GNG7: variants seen among roughly 807,000 people sequenced by gnomAD.
GNG7 encodes the protein G protein subunit gamma 7.
GNG7 carries 1 observed loss-of-function variant against 4.0 expected under a neutral mutation model. The ratio of observed to expected loss-of-function variants is 0.25; its 90% CI spans 0.09 to 1.18. GNG7 has a LOEUF of 1.18. Ranked by LOEUF, GNG7 falls within the 50% of genes most tolerant of loss-of-function variation. The pLI is 0.50. For missense variants in GNG7, 86 were observed against 91.9 expected (o/e 0.94, Z 0.26); for synonymous variants, 34 against 36.9 (o/e 0.92, Z 0.29).
At chr19:2,561,126 G>A (rs1033771962) in intron 2 of GNG7, among the ~76,000 whole-genome samples, 1 of 152,058 alleles carries the variant, frequency 6.6e-6, no homozygotes, top group East Asian at 1.9e-4. Flanking sequence ...ATTGCAATGT[G>A]TGCAGCCTCC....
At chr19:2,608,468 C>G (rs1278117759) in intron 2 of GNG7, among the ~76,000 whole-genome samples, 1 of 152,198 alleles carries the variant, frequency 6.6e-6, no homozygotes, top group African/African-American at 2.4e-5. Flanking sequence ...CCCTGCACCC[C>G]CAAATGACGC....
At chr19:2,642,652 C>T in intron 2 of GNG7, 1 of 387,374 alleles carries the variant, frequency 2.6e-6, no homozygotes, top group Non-Finnish European at 5.1e-6. Context: ...AGGTGCGTGC[C>T]ACCATACCTG....
chr19:2,558,085 C>A (rs1299157692), intron 2 of GNG7, among the ~76,000 whole-genome samples: 11 of 152,048 alleles, frequency 7.2e-5, no homozygotes, highest in African/African-American at 2.7e-4. Context: ...TCGTGATCCG[C>A]CCACCTCGGC....
intron 3 of GNG7, among the ~76,000 whole-genome samples, chr19:2,543,854 A>AGGGGCGGCCGGCCT (rs1381432420): frequency 2.0e-5 from 3 of 151,912 alleles, no homozygotes; most frequent in Non-Finnish European, 2.9e-5. Flanking sequence ...TGAAGGCGGG[A>AGGGGCGGCCGGCCT]GGGGCGGCCG....
At chr19:2,610,989 CT>C (rs1981543066) in intron 2 of GNG7, 1 of 90,582 alleles carries the variant, frequency 1.1e-5, no homozygotes, top group Non-Finnish European at 2.3e-5. Context: ...GGGGAACGGG[CT>C]CACGTGCCAG....
In GNG7 at chr19:2,567,941, G is replaced by A. The variant is rs571352720; in HGVS notation, c.-77-12753C>T. Among the ~76,000 whole-genome samples the A allele has an allele frequency of 5.3e-5, 8 of 152,238 alleles. No individual in the cohort carries two copies. In the South Asian group the frequency reaches 1.7e-3, roughly 32 times the overall value. On this transcript the variant is annotated intron_variant, in intron 2 of 4. Coordinates refer to ENST00000382159, the MANE Select transcript of GNG7 (RefSeq NM_052847.3). ...GGCGTTGCCATTCAGCAGGAACTCA[G>A]GAAGTAGGGCGTTCACAACGCCTTC...
intron 3 of GNG7, among the ~76,000 whole-genome samples, chr19:2,525,272 C>T (rs1045109442): frequency 6.6e-6 from 1 of 152,168 alleles, no homozygotes; most frequent in Non-Finnish European, 1.5e-5. Flanking sequence ...ACACAGTCCC[C>T]ACGGCTCCCT....
chr19:2,641,141 A>T (rs1000985171), intron 2 of GNG7, among the ~76,000 whole-genome samples: 7 of 152,202 alleles, frequency 4.6e-5, no homozygotes, highest in African/African-American at 1.4e-4. Context: ...CAGCCCTGCG[A>T]TGGCCAGAGT....
intron 2 of GNG7, among the ~76,000 whole-genome samples, chr19:2,645,192 C>T (rs6510692): frequency 6.6e-6 from 1 of 151,418 alleles, no homozygotes; most frequent in Non-Finnish European, 1.5e-5. Flanking sequence ...CAAAGCAAAC[C>T]CTAACTCTTT....
At chr19:2,584,278 G>A (rs1401855795) in intron 2 of GNG7, among the ~76,000 whole-genome samples, 6 of 102,160 alleles carry the variant, frequency 5.9e-5, no homozygotes, top group South Asian at 2.8e-4. Flanking sequence ...CCCTATCTCC[G>A]CAAAGAATTA....
chr19:2,673,630 T>G (rs1339315059), intron 1 of GNG7, among the ~76,000 whole-genome samples: 3 of 148,856 alleles, frequency 2.0e-5, no homozygotes. Flanking sequence ...GAGGTGGAGG[T>G]TGCAGTGAGC....
At position 2,512,363 on chromosome 19, in the gene GNG7, A is replaced by G. The variant is rs1329102273; in HGVS notation, c.*2659T>C. The G allele has an allele frequency of 1.0e-6, 1 of 985,462 alleles. No individual in the cohort carries two copies. The highest frequency in any genetic ancestry group is 1.7e-5 in the African/African-American group (1 of 57,280). The allele number at this position is 985,462 out of a possible 1,614,324, so 61.0% of individuals were successfully genotyped here. A position where few individuals can be genotyped will look rare whatever the true frequency, so the allele number is the denominator to read the frequency against. On this transcript the variant is annotated 3_prime_UTR_variant, in exon 5 of 5. Coordinates refer to ENST00000382159, the MANE Select transcript of GNG7 (RefSeq NM_052847.3). The surrounding 1 kb of genome is among the most constrained non-coding windows in gnomAD (Gnocchi z 4.7). ...CTGAAGTCTACTCAAGAAAAAAAAA[A>G]GTGGAGAATTTTTTTTTTAATCCCC...
At chr19:2,669,558 C>G (rs1161772624) in intron 1 of GNG7, among the ~76,000 whole-genome samples, 1 of 152,156 alleles carries the variant, frequency 6.6e-6, no homozygotes, top group Non-Finnish European at 1.5e-5. Flanking sequence ...TCCAGCCCAC[C>G]ACTTGCTTTC....
intron 1 of GNG7, among the ~76,000 whole-genome samples, chr19:2,665,091 C>T (rs922449524): frequency 2.0e-5 from 3 of 152,192 alleles, no homozygotes; most frequent in East Asian, 1.9e-4. Flanking sequence ...GTGAATCCCA[C>T]GAGCTGGGGT....
intron 3 of GNG7, chr19:2,538,762 A>T (rs7250546): frequency 0.47 from 184,903 of 392,694 alleles, 43,143 homozygotes; most frequent in African/African-American, 0.66. Flanking sequence ...AGATATATAT[A>T]TTTTTCTTTT....
chr19:2,662,652 T>A (rs1412652023), intron 1 of GNG7, among the ~76,000 whole-genome samples: 1 of 152,212 alleles, frequency 6.6e-6, no homozygotes. Flanking sequence ...TTCCTTGGCA[T>A]GCTACCCTTC....
At chr19:2,524,443 G>T (rs913587321) in intron 3 of GNG7, among the ~76,000 whole-genome samples, 1 of 152,214 alleles carries the variant, frequency 6.6e-6, no homozygotes, top group African/African-American at 2.4e-5. Context: ...GTGTGCACAT[G>T]TGCATGTATG....
rs138169351 is a variant in GNG7, at chr19:2,523,953, G to A, written c.-37-3228C>T. Among the ~76,000 whole-genome samples the A allele has an allele frequency of 7.7e-3, 1,171 of 152,282 alleles. 10 individuals carry two copies. Among genetic ancestry groups the A allele is most frequent in the African/African-American group, 0.026 (1,095 of 41,540 alleles). On this transcript the variant is annotated intron_variant, in intron 3 of 4. Transcript: ENST00000382159. ...CTGGAGGCAGAGCCCACGTGTGGCCGCTCAGAGGGCTCTGATTCCAGAGAG... is the reference window on the plus strand; with the variant it reads ...CTGGAGGCAGAGCCCACGTGTGGCCACTCAGAGGGCTCTGATTCCAGAGAG...
Position 2,513,983 on chromosome 19 carries a change from G to C in GNG7, c.*1039C>G, listed in dbSNP as rs981121434. On this transcript the variant is annotated 3_prime_UTR_variant, in exon 5 of 5. Coordinates refer to ENST00000382159, the MANE Select transcript of GNG7 (RefSeq NM_052847.3). Reference sequence around the variant, plus strand: ...GGAGGCCGAGGTGGGCGGATCCCGAGGTCAGGAGTTTGAGAGCGGCCTGGC... The same window carrying C: ...GGAGGCCGAGGTGGGCGGATCCCGACGTCAGGAGTTTGAGAGCGGCCTGGC... 1.3e-5 allele frequency: 2 copies of C among 152,430 alleles called. No homozygotes were observed. Among genetic ancestry groups the C allele is most frequent in the African/African-American group, 4.8e-5 (2 of 41,446 alleles). The allele number at this position is 152,430 out of a possible 1,614,324, so 9.4% of individuals were successfully genotyped here.
Sources: allele counts gnomAD v4.1 joint callset (sites outside exome capture counted in the v4.1 genomes callset), GRCh38; gene constraint gnomAD v4.1.1; non-coding constraint Gnocchi (gnomAD v3.1); transcripts MANE v1.5; gene names NCBI Gene and HGNC (gene_info 2026-07-23, HGNC 2026-07-21).